PCGF3: variants seen among roughly 807,000 people sequenced by gnomAD.
PCGF3 encodes polycomb group ring finger 3, also known as polycomb group RING finger protein 3.
A neutral mutation model predicts 33.1 loss-of-function variants in PCGF3; 7 were observed. The ratio of observed to expected loss-of-function variants is 0.21; its 90% CI spans 0.12 to 0.40. The LOEUF (loss-of-function observed/expected upper bound fraction) is 0.40, where lower values mean the gene tolerates loss of function less well. Among genes scored for constraint, PCGF3 ranks in the 10% least tolerant of loss-of-function variants. The pLI is 1.00. For synonymous variants in PCGF3, 153 were observed against 121.3 expected (o/e 1.26, Z -1.72); for missense variants, 211 against 313.3 (o/e 0.67, Z 2.46).
rs370655918 is a variant in PCGF3, at chr4:743,602, C to G, written c.373+18C>G. 2 of 1,446,822 alleles carry G rather than the reference C, an allele frequency of 1.4e-6. No individual in the cohort carries two copies. The highest frequency in any genetic ancestry group is 1.4e-5 in the African/African-American group (1 of 71,712). 89.6% of individuals were successfully genotyped at this position (1,446,822 alleles called of 1,614,324 possible). On this transcript the variant is annotated intron_variant, in intron 7 of 10. Transcript: ENST00000362003. ...TCGGAATGGTGAGTGCCCTGCGTGC[C>G]CATCCAGAAGCCCCGGGAATCCCCT...
At chr4:753,328 G>A (rs1228570994) in intron 8 of PCGF3, among the ~76,000 whole-genome samples, 3 of 152,170 alleles carry the variant, frequency 2.0e-5, no homozygotes, top group Non-Finnish European at 4.4e-5. Context: ...CCACAGGTGT[G>A]AGCCACTGTA....
intron 1 of PCGF3, among the ~76,000 whole-genome samples, chr4:719,413 G>T (rs1742986130): frequency 6.6e-6 from 1 of 152,256 alleles, no homozygotes; most frequent in Non-Finnish European, 1.5e-5. Flanking sequence ...AACCCTCGGT[G>T]CCTGGACTGT....
chr4:763,873 TGAAAA>T (rs1234334116), intron 9 of PCGF3, among the ~76,000 whole-genome samples: 1 of 152,140 alleles, frequency 6.6e-6, no homozygotes, highest in Non-Finnish European at 1.5e-5. Context: ...TATCCAGTAC[TGAAAA>T]GAAATGAGCA....
intron 1 of PCGF3, among the ~76,000 whole-genome samples, chr4:728,275 T>TA (rs1388610717): frequency 6.6e-6 from 1 of 152,186 alleles, no homozygotes; most frequent in Non-Finnish European, 1.5e-5. Flanking sequence ...ATGCACATCT[T>TA]AAAAATACAG....
exon 11 of PCGF3, chr4:766,315 C>T: frequency 2.1e-6 from 1 of 468,606 alleles, no homozygotes; most frequent in Non-Finnish European, 3.8e-6. Context: ...CCCGCCCCAC[C>T]CCGTGCTTCA....
At chr4:766,543 A>T (rs1265589828) in exon 11 of PCGF3, 1 of 152,960 alleles carries the variant, frequency 6.5e-6, no homozygotes, top group Non-Finnish European at 1.5e-5. Flanking sequence ...GACAATATTT[A>T]TGTTGCCTTT....
At position 762,001 on chromosome 4, in the gene PCGF3, C is replaced by CGCAGGAGAGGCCAGCGCCAGGAGTT. The variant is rs1577447061; in HGVS notation, c.600+597_600+621dup. On this transcript the variant is annotated intron_variant, in intron 9 of 10. Coordinates refer to ENST00000362003, the Ensembl canonical transcript of PCGF3. ...ATCGCTCAGGCTGTGCAGAAATGGA[C>CGCAGGAGAGGCCAGCGCCAGGAGTT]GCAGGAGAGGCCAGCGCCAGGAGTT... 2.1e-5 allele frequency: 21 copies of CGCAGGAGAGGCCAGCGCCAGGAGTT among 985,200 alleles called. No individual in the cohort carries two copies. In the Admixed American group the frequency reaches 1.0e-3, roughly 49 times the overall value. 61.0% of individuals were successfully genotyped at this position (985,200 alleles called of 1,614,324 possible). A position where few individuals can be genotyped will look rare whatever the true frequency, so the allele number is the denominator to read the frequency against.
intron 1 of PCGF3, among the ~76,000 whole-genome samples, chr4:712,529 C>A (rs1742617649): frequency 6.6e-6 from 1 of 152,190 alleles, no homozygotes; most frequent in African/African-American, 2.4e-5. Context: ...CTCACTGCAA[C>A]CTCCGCCTCC....
At chr4:738,737 T>C (rs556570791) in intron 6 of PCGF3, among the ~76,000 whole-genome samples, 1 of 150,618 alleles carries the variant, frequency 6.6e-6, no homozygotes, top group South Asian at 2.1e-4. Flanking sequence ...CAGGTGCCTG[T>C]AATCCCAGCT....
rs570791053 is a variant in PCGF3, at chr4:737,176, G to A, written c.207-290G>A. On this transcript the variant is annotated intron_variant, in intron 5 of 10. Transcript: ENST00000362003. ...CAGGGACGGTGTCCCCTGAGCGCAC[G>A]GGACGTGGGGAATCTGGGGTGTCCG... Among the ~76,000 whole-genome samples the A allele has an allele frequency of 1.9e-4, 29 of 152,068 alleles. No homozygotes were observed. In the East Asian group the frequency reaches 4.5e-3, roughly 23 times the overall value.
rs1743707635 is a variant in PCGF3, at chr4:733,584, C to T, written c.-9-88C>T. 3.6e-6 allele frequency: 5 copies of T among 1,385,820 alleles called. No individual in the cohort carries two copies. In the Admixed American group the frequency reaches 6.3e-5, roughly 17 times the overall value. The allele number at this position is 1,385,820 out of a possible 1,614,324, so 85.8% of individuals were successfully genotyped here. ...ACCCAGGCCTCAGGGCCTGCACTGT[C>T]CTCCCTGGGGGCGGCTGTCAGAGCT... On this transcript the variant is annotated intron_variant, in intron 3 of 10. Transcript: ENST00000362003.
intron 8 of PCGF3, among the ~76,000 whole-genome samples, chr4:748,132 CAG>C (rs1744346633): frequency 6.6e-6 from 1 of 151,994 alleles, no homozygotes; most frequent in Non-Finnish European, 1.5e-5. Context: ...CAGATGAAGA[CAG>C]AAAAACTACA....
intron 5 of PCGF3, among the ~76,000 whole-genome samples, chr4:736,511 C>T (rs527576577): frequency 1.4e-5 from 2 of 145,322 alleles, no homozygotes; most frequent in South Asian, 2.2e-4. Flanking sequence ...TCCGCAGGGA[C>T]GGTGTCCCCT....
chr4:713,449 T>C (rs1363410309), intron 1 of PCGF3, among the ~76,000 whole-genome samples: 1 of 126,716 alleles, frequency 7.9e-6, no homozygotes, highest in Non-Finnish European at 1.6e-5. Context: ...GGGTCTTGTG[T>C]GCCTTGTGGG....
intron 8 of PCGF3, among the ~76,000 whole-genome samples, chr4:747,630 C>T (rs370229976): frequency 2.8e-3 from 210 of 76,146 alleles, no homozygotes; most frequent in South Asian, 0.011. Context: ...TGTTAGTGCT[C>T]GCCGTGGAGG....
chr4:727,077 G>A (rs1018359307), intron 1 of PCGF3, among the ~76,000 whole-genome samples: 8 of 152,046 alleles, frequency 5.3e-5, no homozygotes, highest in South Asian at 2.1e-4. Context: ...TCTCACTGCC[G>A]AGCCGCATCT....
At chr4:733,702 C>T (rs568355214) in exon 4 of PCGF3, 3 of 1,609,236 alleles carry the variant, frequency 1.9e-6, no homozygotes, top group African/African-American at 1.3e-5. Flanking sequence ...GAAGATCAAG[C>T]TGTGGGACAT....
At chr4:727,947 G>T (rs982547854) in intron 1 of PCGF3, among the ~76,000 whole-genome samples, 1 of 152,166 alleles carries the variant, frequency 6.6e-6, no homozygotes, top group East Asian at 1.9e-4. Flanking sequence ...GCATCCCTCC[G>T]GGGCCTGATG....
chr4:722,993 G>A (rs1312166700), intron 1 of PCGF3, among the ~76,000 whole-genome samples: 4 of 122,712 alleles, frequency 3.3e-5, no homozygotes, highest in African/African-American at 1.1e-4. Context: ...TCGCCCGTCC[G>A]TGCCGGGTCC....
Sources: gnomAD v4.1 joint callset for allele counts (sites outside exome capture counted in the v4.1 genomes callset) on GRCh38, gnomAD v4.1.1 for gene constraint, MANE v1.5 for transcripts, NCBI Gene and HGNC (gene_info 2026-07-23, HGNC 2026-07-21) for gene names.